FGGY: variants seen among roughly 807,000 people sequenced by gnomAD.
FGGY encodes FGGY carbohydrate kinase domain-containing protein.
In FGGY, 72 loss-of-function variants were observed where a neutral mutation model predicts 71.3. That is an observed-to-expected ratio of 1.01 (90% CI 0.84 to 1.23). The LOEUF is 1.23. FGGY is among the 50% of genes most tolerant of loss of function. FGGY has a pLI of 0.00. For synonymous variants in FGGY, 251 were observed against 250.3 expected, an observed-to-expected ratio of 1.00 and a Z score of -0.02; for missense variants, 668 against 682.3, an observed-to-expected ratio of 0.98 and a Z score of 0.23.
At chr1:59,674,732 A>G (rs1398619925) in intron 14 of FGGY, among the ~76,000 whole-genome samples, 1 of 152,220 alleles carries the variant, frequency 6.6e-6, no homozygotes, top group African/African-American at 2.4e-5. Flanking sequence ...AAGAGGAAAC[A>G]TACTAGTTTC....
chr1:59,587,698 G>C (rs926761178), intron 8 of FGGY, among the ~76,000 whole-genome samples: 3 of 152,152 alleles, frequency 2.0e-5, no homozygotes, highest in Non-Finnish European at 4.4e-5. Context: ...GTCTGGAGTG[G>C]ACCTCTAGCA....
chr1:59,384,134 T>C (rs1248924079), intron 5 of FGGY, among the ~76,000 whole-genome samples: 1 of 152,168 alleles, frequency 6.6e-6, no homozygotes, highest in Non-Finnish European at 1.5e-5. Flanking sequence ...AGAAATGATT[T>C]ATTGGCTGTC....
chr1:59,366,395 T>A (rs1404605321), intron 4 of FGGY, among the ~76,000 whole-genome samples: 3 of 152,120 alleles, frequency 2.0e-5, no homozygotes, highest in African/African-American at 7.2e-5. Flanking sequence ...CACTTGATGT[T>A]TAGGCCTCTG....
At chr1:59,517,252 C>G (rs1476637778) in intron 7 of FGGY, among the ~76,000 whole-genome samples, 1 of 137,864 alleles carries the variant, frequency 7.3e-6, no homozygotes, top group African/African-American at 2.8e-5. Context: ...TTCTCAGTTG[C>G]TCTTTTTTTT....
chr1:59,356,915 G>C (rs78583888), intron 4 of FGGY, among the ~76,000 whole-genome samples: 92 of 152,234 alleles, frequency 6.0e-4, no homozygotes, highest in African/African-American at 2.2e-3. Context: ...TCCTGTGATG[G>C]ATACCACTTT....
At chr1:59,367,974 T>C (rs1036849931) in intron 4 of FGGY, among the ~76,000 whole-genome samples, 2 of 152,202 alleles carry the variant, frequency 1.3e-5, no homozygotes, top group Admixed American at 1.3e-4. Flanking sequence ...CAAAGGATTG[T>C]TGTTGGAATG....
At chr1:59,464,684 G>C (rs1243170731) in intron 6 of FGGY, among the ~76,000 whole-genome samples, 7 of 152,032 alleles carry the variant, frequency 4.6e-5, no homozygotes, top group African/African-American at 1.5e-4. Context: ...AATAATATAG[G>C]AGATATCACC....
At chr1:59,578,641 T>C (rs748792047) in intron 8 of FGGY, among the ~76,000 whole-genome samples, 1 of 152,022 alleles carries the variant, frequency 6.6e-6, no homozygotes, top group Non-Finnish European at 1.5e-5. Flanking sequence ...TTGAAGAGTG[T>C]AGGAATACAG....
chr1:59,346,223 G>A, intron 3 of FGGY, 24 bp from the exon 4 acceptor site: 1 of 1,611,966 alleles, frequency 6.2e-7, no homozygotes, highest in Non-Finnish European at 8.5e-7. Context: ...GTGTCCATCT[G>A]CATCTCCCTC....
At chr1:59,484,343 C>G (rs2093594616) in intron 6 of FGGY, among the ~76,000 whole-genome samples, 2 of 152,258 alleles carry the variant, frequency 1.3e-5, no homozygotes, top group East Asian at 3.9e-4. Context: ...TGCATTCTCC[C>G]TTATATCATC....
intron 6 of FGGY, among the ~76,000 whole-genome samples, chr1:59,508,730 C>A (rs2094451961): frequency 6.6e-6 from 1 of 152,170 alleles, no homozygotes; most frequent in Non-Finnish European, 1.5e-5. Context: ...TTCCTGAAGG[C>A]TGTGGTTCCA....
chr1:59,318,598 G>A (rs1265096769), intron 1 of FGGY: 2 of 152,266 alleles, frequency 1.3e-5, no homozygotes, highest in Non-Finnish European at 2.9e-5. Context: ...ATCAGAGAGG[G>A]AGTCAAAAGT....
At chr1:59,596,419 C>T (rs1378456701) in intron 8 of FGGY, among the ~76,000 whole-genome samples, 1 of 149,296 alleles carries the variant, frequency 6.7e-6, no homozygotes, top group Non-Finnish European at 1.5e-5. Flanking sequence ...TGTCTGCCTG[C>T]TATTTCCTTG....
At chr1:59,761,960 C>G (rs796267014) in intron 15 of FGGY, among the ~76,000 whole-genome samples, 7 of 152,146 alleles carry the variant, frequency 4.6e-5, no homozygotes, top group African/African-American at 1.7e-4. Context: ...TAAGTCCGGC[C>G]TTTTTGTATA....
chr1:59,612,870 TA>T (rs1428644545), intron 9 of FGGY, among the ~76,000 whole-genome samples: 2 of 152,102 alleles, frequency 1.3e-5, no homozygotes, highest in African/African-American at 4.8e-5. Context: ...AAACAGACTT[TA>T]AACCAACAAA....
rs1234744877 is a variant in FGGY, at chr1:59,484,255, T to C, written c.670+27179T>C. Among the ~76,000 whole-genome samples, 4 of 152,200 alleles carry C rather than the reference T, an allele frequency of 2.6e-5. No homozygotes were observed. In the East Asian group the frequency reaches 5.8e-4, roughly 22 times the overall value. On this transcript the variant is annotated intron_variant, in intron 6 of 15. Transcript: ENST00000303721. ...GTCATTTCAATCCCTGCATTTTTCA[T>C]AGGGATGGTGCTGACTCATTTGGCT...
At chr1:59,479,486 G>A (rs1308997282) in intron 6 of FGGY, among the ~76,000 whole-genome samples, 2 of 152,166 alleles carry the variant, frequency 1.3e-5, no homozygotes, top group African/African-American at 2.4e-5. Context: ...AGACAGGCAG[G>A]ATTAGCCTTG....
At chr1:59,642,486 G>A (rs1047689123) in intron 11 of FGGY, among the ~76,000 whole-genome samples, 29 of 151,996 alleles carry the variant, frequency 1.9e-4, no homozygotes, top group African/African-American at 5.6e-4. Context: ...TTAGCTGGGC[G>A]TGGTGGTGGA....
intron 5 of FGGY, among the ~76,000 whole-genome samples, chr1:59,433,054 G>A (rs2067710339): frequency 6.6e-6 from 1 of 152,176 alleles, no homozygotes; most frequent in South Asian, 2.1e-4. Context: ...TATCTGTAGA[G>A]CCTAGCTCCA....
Sources: allele counts gnomAD v4.1 joint callset (sites outside exome capture counted in the v4.1 genomes callset), GRCh38; gene constraint gnomAD v4.1.1; transcripts MANE v1.5; gene names NCBI Gene and HGNC (gene_info 2026-07-23, HGNC 2026-07-21).